The following ACVR1C variants were observed in gnomAD, a reference collection of about 807,000 sequenced individuals.
ACVR1C encodes activin A receptor type 1C, also known as activin receptor type-1C.
ACVR1C carries 23 observed loss-of-function variants against 57.9 expected under a neutral mutation model. That is an observed-to-expected ratio of 0.40 (90% CI 0.29 to 0.56). The LOEUF is 0.56. Ranked by LOEUF, ACVR1C falls within the 20% of genes least tolerant of loss-of-function variation. The pLI is 0.50. For missense variants in ACVR1C, 480 were observed against 607.9 expected, an observed-to-expected ratio of 0.79 and a Z score of 2.21; for synonymous variants, 214 against 215.3, an observed-to-expected ratio of 0.99 and a Z score of 0.05.
chr2:157,612,312 TCA>T (rs1306376954), intron 1 of ACVR1C, among the ~76,000 whole-genome samples: 2 of 152,222 alleles, frequency 1.3e-5, no homozygotes, highest in Non-Finnish European at 2.9e-5. Context: ...CAGTCACCAC[TCA>T]CAGCCCCAGA....
In ACVR1C at chr2:157,529,083, G is replaced by C. The variant is rs955992171; in HGVS notation, c.*4835C>G. 4 of 152,040 alleles carry C rather than the reference G, an allele frequency of 2.6e-5. No individual in the cohort carries two copies. Among genetic ancestry groups the C allele is most frequent in the Non-Finnish European group, 5.9e-5 (4 of 67,978 alleles). The allele number at this position is 152,040 out of a possible 1,614,324, so 9.4% of individuals were successfully genotyped here. A position where few individuals can be genotyped will look rare whatever the true frequency, so the allele number is the denominator to read the frequency against. ...ACTGAGGGGAAAAAAAAGAGAAAGA[G>C]AGAAAAGTTAGATAATATCCCACTG... is the stretch of plus-strand genomic sequence containing the variant. On this transcript the variant is annotated 3_prime_UTR_variant, in exon 9 of 9. Transcript: ENST00000243349.
At chr2:157,621,946 G>A (rs1028229424) in intron 1 of ACVR1C, among the ~76,000 whole-genome samples, 1 of 152,076 alleles carries the variant, frequency 6.6e-6, no homozygotes, top group African/African-American at 2.4e-5. Flanking sequence ...AAAGCTCCAG[G>A]TAATAAGAAA....
At chr2:157,628,232 T>C (rs942754989) in intron 1 of ACVR1C, among the ~76,000 whole-genome samples, 8 of 151,994 alleles carry the variant, frequency 5.3e-5, no homozygotes, top group Non-Finnish European at 1.2e-4. Context: ...CTCCCAGCCA[T>C]GCGCGCACCC....
chr2:157,548,899 GAT>G (rs1417943690), intron 4 of ACVR1C, among the ~76,000 whole-genome samples: 1 of 152,152 alleles, frequency 6.6e-6, no homozygotes, highest in Admixed American at 6.5e-5. Flanking sequence ...AATCAAAAGA[GAT>G]AATATTTTCA....
At chr2:157,588,472 T>C (rs974629239) in intron 1 of ACVR1C, among the ~76,000 whole-genome samples, 42 of 152,014 alleles carry the variant, frequency 2.8e-4, no homozygotes, top group African/African-American at 9.9e-4. Context: ...GGAGTACAAG[T>C]TGTTTTGGGT....
intron 1 of ACVR1C, among the ~76,000 whole-genome samples, chr2:157,603,960 C>T (rs937943770): frequency 2.6e-5 from 4 of 152,036 alleles, no homozygotes; most frequent in African/African-American, 9.7e-5. Context: ...CATCTGGTGA[C>T]CCACATCTCC....
intron 3 of ACVR1C, among the ~76,000 whole-genome samples, chr2:157,555,430 C>A (rs1688076912): frequency 6.6e-6 from 1 of 152,160 alleles, no homozygotes; most frequent in African/African-American, 2.4e-5. Flanking sequence ...GTACTTTGAA[C>A]GCTTTACCTG....
intron 2 of ACVR1C, among the ~76,000 whole-genome samples, chr2:157,574,914 C>A (rs973667080): frequency 6.6e-6 from 1 of 152,164 alleles, no homozygotes; most frequent in Non-Finnish European, 1.5e-5. Flanking sequence ...TGCATCCAGG[C>A]AGCATGATGA....
intron 7 of ACVR1C, among the ~76,000 whole-genome samples, chr2:157,540,446 T>C (rs1361367440): frequency 2.0e-5 from 3 of 151,944 alleles, no homozygotes; most frequent in Admixed American, 6.6e-5. Flanking sequence ...TGAGCCACCA[T>C]GCCCGGCATG....
intron 2 of ACVR1C, among the ~76,000 whole-genome samples, chr2:157,558,678 T>A (rs1198056439): frequency 6.6e-6 from 1 of 152,216 alleles, no homozygotes; most frequent in South Asian, 2.1e-4. Context: ...TCATTAGTAG[T>A]TATACAGGTG....
chr2:157,609,166 T>C (rs1263128786), intron 1 of ACVR1C, among the ~76,000 whole-genome samples: 1 of 151,920 alleles, frequency 6.6e-6, no homozygotes, highest in Non-Finnish European at 1.5e-5. Flanking sequence ...ATATGCTGTT[T>C]TCATTTTCAC....
rs1312669469 is a variant in ACVR1C at position 157,526,933 on chromosome 2, C to T, written c.*6985G>A. 1 of 151,974 alleles carries T rather than the reference C, an allele frequency of 6.6e-6. No individual in the cohort carries two copies. The highest frequency in any genetic ancestry group is 1.5e-5 in the Non-Finnish European group (1 of 68,002). 9.4% of individuals were successfully genotyped at this position (151,974 alleles called of 1,614,324 possible). A position where few individuals can be genotyped will look rare whatever the true frequency, so the allele number is the denominator to read the frequency against. ...GCAGATAATTATTTACATCTGAAGA[C>T]AGATGAAAGTTACACGATAATATTA... On this transcript the variant is annotated 3_prime_UTR_variant, in exon 9 of 9. Transcript: ENST00000243349.
In ACVR1C at chr2:157,533,053, A is replaced by G. The variant is rs996802178; in HGVS notation, c.*865T>C. On this transcript the variant is annotated 3_prime_UTR_variant, in exon 9 of 9. Transcript: ENST00000243349. Reference sequence around the variant, plus strand: ...TTCTGAGATTTTGTGCGGGTCCATTATGATTCTGCAAAATAACTCAATATG... The same window carrying G: ...TTCTGAGATTTTGTGCGGGTCCATTGTGATTCTGCAAAATAACTCAATATG... The G allele has an allele frequency of 6.6e-6, 1 of 152,212 alleles. No individual in the cohort carries two copies. The highest frequency in any genetic ancestry group is 6.5e-5 in the Admixed American group (1 of 15,268). 9.4% of individuals were successfully genotyped at this position (152,212 alleles called of 1,614,324 possible).
At chr2:157,559,996 C>CGAAG (rs1234143567) in intron 2 of ACVR1C, among the ~76,000 whole-genome samples, 5 of 150,818 alleles carry the variant, frequency 3.3e-5, no homozygotes, top group East Asian at 3.9e-4. Context: ...AGGGAGGAAA[C>CGAAG]GAAGGAAGGA....
intron 1 of ACVR1C, chr2:157,597,446 G>A (rs1682156676): frequency 1.0e-6 from 1 of 985,352 alleles, no homozygotes; most frequent in Admixed American, 6.1e-5. Context: ...AATTTGCGAA[G>A]GGACACCCTG....
At chr2:157,625,571 GCTAA>G (rs1009263868) in intron 1 of ACVR1C, among the ~76,000 whole-genome samples, 2 of 130,084 alleles carry the variant, frequency 1.5e-5, no homozygotes, top group African/African-American at 2.9e-5. Flanking sequence ...AGTGGAAACT[GCTAA>G]CTATTGTTTG....
At chr2:157,595,296 T>TA in intron 1 of ACVR1C, among the ~76,000 whole-genome samples, 1 of 152,166 alleles carries the variant, frequency 6.6e-6, no homozygotes. Flanking sequence ...CTAGCAGGGG[T>TA]AGCAGTTGGT....
chr2:157,554,201 G>GAGAGAGAGAGAAAGAA (rs1553481316), intron 3 of ACVR1C, among the ~76,000 whole-genome samples: 4 of 41,442 alleles, frequency 9.7e-5, no homozygotes, highest in African/African-American at 5.7e-4. Flanking sequence ...ATAAAGAAGA[G>GAGAGAGAGAGAAAGAA]AGAAAGAAAG....
intron 4 of ACVR1C, among the ~76,000 whole-genome samples, chr2:157,547,868 G>C (rs982448172): frequency 2.0e-5 from 3 of 151,508 alleles, no homozygotes; most frequent in African/African-American, 7.3e-5. Context: ...ATTGCTTTTG[G>C]TGTTTTGGAC....
Sources: gnomAD v4.1 joint callset for allele counts (sites outside exome capture counted in the v4.1 genomes callset) on GRCh38, gnomAD v4.1.1 for gene constraint, MANE v1.5 for transcripts, NCBI Gene and HGNC (gene_info 2026-07-23, HGNC 2026-07-21) for gene names.